DTNB: variants seen among roughly 807,000 people sequenced by gnomAD.
DTNB encodes DTN-B.
Under a neutral mutation model 90.7 loss-of-function variants are expected in DTNB, and 63 were observed. The ratio of observed to expected loss-of-function variants is 0.69; its 90% CI spans 0.57 to 0.86. The LOEUF (loss-of-function observed/expected upper bound fraction) is 0.86, where lower values mean the gene tolerates loss of function less well. Among genes scored for constraint, DTNB ranks in the 40% least tolerant of loss-of-function variants. DTNB has a pLI of 0.00. For synonymous variants in DTNB, 277 were observed against 286.7 expected (o/e 0.97, Z 0.34); for missense variants, 744 against 807.1 (o/e 0.92, Z 0.95).
At position 25,451,591 on chromosome 2, in the gene DTNB, A is replaced by G. The variant is rs768252645; in HGVS notation, c.1214T>C (p.Ile405Thr). 15 of 1,608,586 alleles carry G rather than the reference A, an allele frequency of 9.3e-6. No individual in the cohort carries two copies. Among genetic ancestry groups the G allele is most frequent in the African/African-American group, 5.3e-5 (4 of 74,980 alleles). The change falls in exon 12 of 21, where the codon ATA (isoleucine) becomes ACA (threonine). Residue 405 changes from isoleucine (I) to threonine (T), a missense_variant. Transcript: ENST00000406818. ...AGCCAGCCGGGCAGCATAGCGAGCTATAAGACGGTGTTCCTCATCCAGTCG... is the reference window on the plus strand; with the variant it reads ...AGCCAGCCGGGCAGCATAGCGAGCTGTAAGACGGTGTTCCTCATCCAGTCG... Reference protein sequence around the residue: ...PSRLDEEHRLIARYAARLAAE... With the variant: ...PSRLDEEHRLTARYAARLAAE...
intron 9 of DTNB, among the ~76,000 whole-genome samples, chr2:25,500,781 T>C (rs2070419593): frequency 6.6e-6 from 1 of 152,180 alleles, no homozygotes; most frequent in Admixed American, 6.5e-5. Flanking sequence ...AATTAATGCA[T>C]GTATAGCTAG....
chr2:25,401,833 C>A (rs890217474), intron 16 of DTNB, among the ~76,000 whole-genome samples: 1 of 152,224 alleles, frequency 6.6e-6, no homozygotes, highest in African/African-American at 2.4e-5. Context: ...CTTTAGTCTC[C>A]ATTTCTATCT....
intron 8 of DTNB, among the ~76,000 whole-genome samples, chr2:25,537,450 A>C (rs2080083331): frequency 6.6e-6 from 1 of 152,206 alleles, no homozygotes; most frequent in South Asian, 2.1e-4. Context: ...CAAATAATTA[A>C]GGCACATCAA....
At chr2:25,523,002 G>C (rs2076424127) in intron 9 of DTNB, among the ~76,000 whole-genome samples, 1 of 152,028 alleles carries the variant, frequency 6.6e-6, no homozygotes, top group Admixed American at 6.6e-5. Flanking sequence ...CACCAGGCCT[G>C]GAGTCCACAC....
At chr2:25,568,818 G>GTCCC (rs1307763415) in intron 8 of DTNB, among the ~76,000 whole-genome samples, 4 of 152,216 alleles carry the variant, frequency 2.6e-5, no homozygotes, top group African/African-American at 9.7e-5. Flanking sequence ...CATGAGTGGA[G>GTCCC]TCCCGTTCTC....
intron 12 of DTNB, among the ~76,000 whole-genome samples, chr2:25,445,641 A>G (rs2058294557): frequency 6.6e-6 from 1 of 152,122 alleles, no homozygotes; most frequent in African/African-American, 2.4e-5. Flanking sequence ...TTCTAGCCAC[A>G]ATGTCAACTT....
chr2:25,450,070 ATT>A (rs1445722777), intron 12 of DTNB, among the ~76,000 whole-genome samples: 1 of 152,180 alleles, frequency 6.6e-6, no homozygotes, highest in African/African-American at 2.4e-5. Flanking sequence ...TAATTTATCA[ATT>A]TTTAAAATGG....
intron 1 of DTNB, among the ~76,000 whole-genome samples, chr2:25,656,641 G>GC (rs1471553657): frequency 2.6e-5 from 4 of 152,002 alleles, no homozygotes; most frequent in Admixed American, 6.6e-5. Flanking sequence ...CCACACTAAT[G>GC]CACAAATAAA....
chr2:25,465,236 C>T (rs1292445291), intron 10 of DTNB, among the ~76,000 whole-genome samples: 7 of 151,908 alleles, frequency 4.6e-5, no homozygotes, highest in South Asian at 2.1e-4. Context: ...ATTAGCCGGG[C>T]GTGGTGGCGG....
intron 1 of DTNB, among the ~76,000 whole-genome samples, chr2:25,654,025 C>T (rs1222511906): frequency 1.3e-5 from 2 of 152,146 alleles, no homozygotes; most frequent in African/African-American, 4.8e-5. Context: ...CATCCTCCAG[C>T]TTAATCACCA....
Position 25,573,187 on chromosome 2 carries a change from CTGCCCGCCT to C in DTNB, c.876+3642_876+3650del, listed in dbSNP as rs1345132601. 8.3e-4 allele frequency among the ~76,000 whole-genome samples: 126 copies of C among 152,284 alleles called. 1 individual carries two copies. The highest frequency in any genetic ancestry group is 1.0e-4 in the Non-Finnish European group (7 of 68,020). ...GTCTCAAACTCCTGACCTCAGATAT[CTGCCCGCCT>C]TGGCCTCCCAAACTGCTCGGATTAC... On this transcript the variant is annotated intron_variant, in intron 8 of 20. Transcript: ENST00000406818.
intron 4 of DTNB, among the ~76,000 whole-genome samples, chr2:25,619,925 A>G (rs1296346890): frequency 6.6e-6 from 1 of 152,160 alleles, no homozygotes; most frequent in Non-Finnish European, 1.5e-5. Context: ...CTGTAATCCC[A>G]GCTACTCAGG....
At chr2:25,420,778 T>C (rs1420326134) in intron 15 of DTNB, among the ~76,000 whole-genome samples, 2 of 152,204 alleles carry the variant, frequency 1.3e-5, no homozygotes, top group Non-Finnish European at 2.9e-5. Flanking sequence ...CCACTGCACC[T>C]GGCCGGTCTC....
chr2:25,422,890 A>C (rs2050240577), intron 15 of DTNB, among the ~76,000 whole-genome samples: 1 of 152,178 alleles, frequency 6.6e-6, no homozygotes, highest in African/African-American at 2.4e-5. Flanking sequence ...CCTGAGTGTC[A>C]GTCTACATTA....
chr2:25,555,030 C>T (rs1292050201), intron 8 of DTNB, among the ~76,000 whole-genome samples: 4 of 152,044 alleles, frequency 2.6e-5, no homozygotes, highest in Admixed American at 6.5e-5. Flanking sequence ...GGTACAGTGG[C>T]TCATGCCTGT....
At chr2:25,436,014 G>A (rs2055632807) in intron 12 of DTNB, among the ~76,000 whole-genome samples, 1 of 152,188 alleles carries the variant, frequency 6.6e-6, no homozygotes, top group Non-Finnish European at 1.5e-5. Flanking sequence ...CATATCCACT[G>A]ATATTTCTGA....
chr2:25,476,051 T>C (rs577191498), intron 10 of DTNB, among the ~76,000 whole-genome samples: 1 of 149,916 alleles, frequency 6.7e-6, no homozygotes, highest in East Asian at 2.0e-4. Context: ...CTGCAGCCCC[T>C]GGATCAAGAA....
At chr2:25,411,385 A>C (rs1273899515) in intron 16 of DTNB, among the ~76,000 whole-genome samples, 2 of 152,102 alleles carry the variant, frequency 1.3e-5, no homozygotes, top group Non-Finnish European at 2.9e-5. Flanking sequence ...AAGAAAAACC[A>C]AACCTATTTT....
At chr2:25,589,274 G>C (rs529676310) in intron 6 of DTNB, among the ~76,000 whole-genome samples, 1 of 150,968 alleles carries the variant, frequency 6.6e-6, no homozygotes, top group Middle Eastern at 3.4e-3. Flanking sequence ...AGTATCTCCT[G>C]CATACACTGA....
Sources: gnomAD v4.1 joint callset for allele counts (sites outside exome capture counted in the v4.1 genomes callset) on GRCh38, gnomAD v4.1.1 for gene constraint, MANE v1.5 for transcripts, NCBI Gene and HGNC (gene_info 2026-07-23, HGNC 2026-07-21) for gene names.